The following IGSF23 variants were observed in gnomAD, a reference collection of about 807,000 sequenced individuals.
The protein encoded by IGSF23 is immunoglobulin superfamily member 23.
A neutral mutation model predicts 17.8 loss-of-function variants in IGSF23; 14 were observed. The ratio of observed to expected loss-of-function variants is 0.79; its 90% confidence interval spans 0.52 to 1.23. The LOEUF is 1.23. Ranked by LOEUF, IGSF23 falls within the 50% of genes most tolerant of loss-of-function variation. The pLI is 0.00. For synonymous variants in IGSF23, 85 were observed against 92.5 expected, an observed-to-expected ratio of 0.92 and a Z score of 0.46; for missense variants, 214 against 241.7, an observed-to-expected ratio of 0.89 and a Z score of 0.76.
chr19:44,624,373 C>T (rs1286844902), intron 2 of IGSF23, among the ~76,000 whole-genome samples: 1 of 151,724 alleles, frequency 6.6e-6, no homozygotes, highest in Non-Finnish European at 1.5e-5. Context: ...CAACCTCTGC[C>T]TCCCAGGTTC....
At chr19:44,626,778 T>C (rs1972657892) in intron 2 of IGSF23, among the ~76,000 whole-genome samples, 1 of 151,940 alleles carries the variant, frequency 6.6e-6, no homozygotes, top group Non-Finnish European at 1.5e-5. Context: ...AAAATTTAGC[T>C]GGGAATGGTG....
intron 1 of IGSF23, among the ~76,000 whole-genome samples, chr19:44,614,913 G>A (rs1348900455): frequency 6.6e-6 from 1 of 152,162 alleles, no homozygotes; most frequent in Non-Finnish European, 1.5e-5. Flanking sequence ...AGATGGGCTG[G>A]CTTCCCAGAC....
At position 44,621,102 on chromosome 19, in the gene IGSF23, T is replaced by A. The variant is rs963971018; in HGVS notation, c.126-2605T>A. Reference sequence around the variant, plus strand: ...TTCGAGACCAGCCTGGGCAACATGATGAGACGCCCATCTCAACAAAGAATT... The same window carrying A: ...TTCGAGACCAGCCTGGGCAACATGAAGAGACGCCCATCTCAACAAAGAATT... On this transcript the variant is annotated intron_variant, in intron 1 of 4. Transcript: ENST00000402988. 2.0e-5 allele frequency among the ~76,000 whole-genome samples: 3 copies of A among 151,904 alleles called. No homozygotes were observed. The East Asian group carries it at 5.9e-4, about 30-fold the overall frequency.
rs1972867950 is a variant in IGSF23, at chr19:44,635,382, C to G, written c.546-19C>G. On this transcript the variant is annotated intron_variant, in intron 3 of 4. Coordinates refer to ENST00000402988, the MANE Select transcript of IGSF23 (RefSeq NM_001205280.2). ...TCTCTCTCTCTCTCTCTCTGTCTCT[C>G]TCTCTCTCTCCACTGCAGGACTGAC... 2 of 1,532,208 alleles carry G rather than the reference C, an allele frequency of 1.3e-6. No individual in the cohort carries two copies. Among genetic ancestry groups the G allele is most frequent in the Non-Finnish European group, 1.8e-6 (2 of 1,132,822 alleles). 94.9% of individuals were successfully genotyped at this position (1,532,208 alleles called of 1,614,324 possible).
At chr19:44,635,372 CT>C in intron 3 of IGSF23, 28 bp from the exon 4 acceptor site, 1 of 883,122 alleles carries the variant, frequency 1.1e-6, no homozygotes, top group Non-Finnish European at 1.4e-6. Flanking sequence ...CTCTCTCTCT[CT>C]CTGTCTCTCT....
intron 1 of IGSF23, among the ~76,000 whole-genome samples, chr19:44,618,876 A>G (rs922963674): frequency 7.3e-5 from 11 of 151,622 alleles, no homozygotes; most frequent in African/African-American, 2.4e-4. Flanking sequence ...AAAAGGCCCC[A>G]CCTCTTAAGG....
intron 3 of IGSF23, among the ~76,000 whole-genome samples, chr19:44,631,956 G>A (rs114850365): frequency 0.025 from 3,753 of 152,248 alleles, 162 homozygotes; most frequent in African/African-American, 0.085. Flanking sequence ...GGTCAGTTTC[G>A]GGGCCAGTTT....
chr19:44,613,771 G>A lies in IGSF23; in HGVS notation c.125+1G>A. ...GAGGTGACTTCCCAGCCAACTTGGT[G>A]TAAGTCATGTGGGGAAGTGGCCAGG... On this transcript the variant is annotated splice_donor_variant, in intron 1 of 4. Coordinates refer to ENST00000402988, the MANE Select transcript of IGSF23 (RefSeq NM_001205280.2). LOFTEE classifies it high-confidence loss of function. 1.3e-6 allele frequency: 2 copies of A among 1,550,456 alleles called. No homozygotes were observed. The highest frequency in any genetic ancestry group is 2.0e-5 in the Admixed American group (1 of 50,982).
chr19:44,617,906 G>GT (rs1972422039), intron 1 of IGSF23, among the ~76,000 whole-genome samples: 1 of 152,178 alleles, frequency 6.6e-6, no homozygotes, highest in Admixed American at 6.5e-5. Flanking sequence ...GCAGCAAAAG[G>GT]TAAGGGGACC....
intron 1 of IGSF23, among the ~76,000 whole-genome samples, chr19:44,616,097 AG>A (rs1972369380): frequency 6.6e-6 from 1 of 152,106 alleles, no homozygotes; most frequent in Admixed American, 6.6e-5. Flanking sequence ...TCTTGATAAC[AG>A]CAGGTACCTC....
At chr19:44,618,228 G>A (rs1199741493) in intron 1 of IGSF23, 1 of 470,226 alleles carries the variant, frequency 2.1e-6, no homozygotes, top group Admixed American at 2.4e-5. Flanking sequence ...AGGGTATGAC[G>A]CCCAGCCAGC....
chr19:44,615,214 G>A lies in IGSF23; in HGVS notation c.125+1444G>A, dbSNP rs192168817. Among the ~76,000 whole-genome samples, 851 of 151,708 alleles carry A rather than the reference G, an allele frequency of 5.6e-3. 9 individuals are homozygous for A. Among genetic ancestry groups the A allele is most frequent in the African/African-American group, 0.019 (805 of 41,330 alleles). On this transcript the variant is annotated intron_variant, in intron 1 of 4. Coordinates refer to ENST00000402988, the MANE Select transcript of IGSF23 (RefSeq NM_001205280.2). ...TGAGGCAGGAGAATGGCGTGAACCCGGGAGGCGGAGCTTGCAGTGAGCCAA... is the reference window on the plus strand; with the variant it reads ...TGAGGCAGGAGAATGGCGTGAACCCAGGAGGCGGAGCTTGCAGTGAGCCAA...
chr19:44,623,722 A>AC lies in IGSF23; in HGVS notation c.142dup (p.Leu48ProfsTer15), dbSNP rs1289708570. On this transcript the variant is annotated frameshift_variant, in exon 2 of 5. Transcript: ENST00000402988. LOFTEE classifies it high-confidence loss of function. Reference sequence around the variant, plus strand: ...GCACAGACAGCCTCCAACTAATGCCACTGAAGACATTCCCAGCTGCTATCC... The same window carrying AC: ...GCACAGACAGCCTCCAACTAATGCCACCTGAAGACATTCCCAGCTGCTATCC... 1 of 1,551,166 alleles carries AC rather than the reference A, an allele frequency of 6.4e-7. No individual in the cohort carries two copies.
chr19:44,633,591 C>CT (rs1972817025), intron 3 of IGSF23, among the ~76,000 whole-genome samples: 2 of 152,166 alleles, frequency 1.3e-5, no homozygotes, highest in African/African-American at 4.8e-5. Context: ...AATATAGCTA[C>CT]TTTGATATAC....
At chr19:44,628,896 A>T (rs935620717) in intron 3 of IGSF23, among the ~76,000 whole-genome samples, 5 of 152,182 alleles carry the variant, frequency 3.3e-5, no homozygotes, top group Non-Finnish European at 7.4e-5. Flanking sequence ...GGACAGTGAC[A>T]TTTGAACAAA....
intron 1 of IGSF23, among the ~76,000 whole-genome samples, chr19:44,623,197 A>G (rs188018415): frequency 1.2e-3 from 180 of 152,314 alleles, no homozygotes; most frequent in African/African-American, 4.2e-3. Flanking sequence ...TGGGAGGTGC[A>G]AGGAACTCGA....
rs1972895012 is a variant in IGSF23, at chr19:44,636,644, G to C, written c.*257G>C. ...AAGCATCAGAGGCTCATCCCTGTCT[G>C]TGGGAGCTCAGTGCTCAGAAAACAG... On this transcript the variant is annotated 3_prime_UTR_variant, in exon 5 of 5. Transcript: ENST00000402988. 6.6e-6 allele frequency: 1 copy of C among 152,226 alleles called. No individual in the cohort carries two copies. Among genetic ancestry groups the C allele is most frequent in the Admixed American group, 6.5e-5 (1 of 15,284 alleles). 9.4% of individuals were successfully genotyped at this position (152,226 alleles called of 1,614,324 possible).
chr19:44,618,230 C>A (rs1433818198), intron 1 of IGSF23: 2 of 470,294 alleles, frequency 4.3e-6, no homozygotes, highest in Non-Finnish European at 8.8e-6. Context: ...GGTATGACGC[C>A]CAGCCAGCAG....
intron 3 of IGSF23, among the ~76,000 whole-genome samples, chr19:44,630,127 T>G (rs959424624): frequency 2.0e-5 from 3 of 152,152 alleles, no homozygotes; most frequent in Non-Finnish European, 4.4e-5. Flanking sequence ...ACCTCTGTAA[T>G]CTATGTTGTG....
Sources: gnomAD v4.1 joint callset for allele counts (sites outside exome capture counted in the v4.1 genomes callset) on GRCh38, gnomAD v4.1.1 for gene constraint, MANE v1.5 for transcripts, NCBI Gene and HGNC (gene_info 2026-07-23, HGNC 2026-07-21) for gene names.